The following MRTFA variants were observed in gnomAD, a reference collection of about 807,000 sequenced individuals.
MRTFA encodes the protein myocardin-related transcription factor A.
MRTFA carries 20 observed loss-of-function variants against 83.5 expected under a neutral mutation model. The observed-to-expected ratio is 0.24, with a 90% CI of 0.17 to 0.35. The LOEUF (loss-of-function observed/expected upper bound fraction) is 0.35, where lower values mean the gene tolerates loss of function less well. Ranked by LOEUF, MRTFA falls within the 10% of genes least tolerant of loss-of-function variation. The pLI is 1.00. For missense variants in MRTFA, 1,200 were observed against 1,224.7 expected (o/e 0.98, Z 0.30); for synonymous variants, 659 against 541.2 (o/e 1.22, Z -3.02).
intron 4 of MRTFA, among the ~76,000 whole-genome samples, chr22:40,457,503 A>G (rs868320685): frequency 4.8e-5 from 7 of 147,182 alleles, no homozygotes; most frequent in Non-Finnish European, 7.6e-5. Flanking sequence ...AGAAAGAAAG[A>G]GAAAGAAAGA....
chr22:40,456,471 T>G (rs1014526818), intron 4 of MRTFA, among the ~76,000 whole-genome samples: 1 of 152,136 alleles, frequency 6.6e-6, no homozygotes, highest in African/African-American at 2.4e-5. Flanking sequence ...GCAGATCATT[T>G]TGAGCCCAGA....
At chr22:40,528,161 G>A (rs1368199187) in intron 3 of MRTFA, among the ~76,000 whole-genome samples, 1 of 152,158 alleles carries the variant, frequency 6.6e-6, no homozygotes, top group African/African-American at 2.4e-5. Flanking sequence ...GGAGAATTAT[G>A]AGGCCTGTCG....
At chr22:40,514,897 C>A (rs2054730820) in intron 3 of MRTFA, among the ~76,000 whole-genome samples, 1 of 150,624 alleles carries the variant, frequency 6.6e-6, no homozygotes, top group South Asian at 2.1e-4. Context: ...CTCAATTTCT[C>A]CAATATTTCT....
At chr22:40,490,373 G>A (rs920267639) in intron 3 of MRTFA, among the ~76,000 whole-genome samples, 20 of 152,140 alleles carry the variant, frequency 1.3e-4, no homozygotes, top group African/African-American at 2.7e-4. Context: ...GGCCAAGGCC[G>A]GCGGATCATG....
intron 1 of MRTFA, among the ~76,000 whole-genome samples, chr22:40,627,492 G>A (rs2056595352): frequency 6.6e-6 from 1 of 152,154 alleles, no homozygotes. Context: ...ATGGCAACCA[G>A]ATACATATAA....
At chr22:40,632,851 G>A (rs986260484) in intron 1 of MRTFA, among the ~76,000 whole-genome samples, 14 of 152,148 alleles carry the variant, frequency 9.2e-5, no homozygotes, top group African/African-American at 2.7e-4. Flanking sequence ...ACTAACTTTC[G>A]AGGTAATCTG....
intron 2 of MRTFA, among the ~76,000 whole-genome samples, chr22:40,573,381 A>C (rs1471946191): frequency 6.6e-6 from 1 of 152,082 alleles, no homozygotes; most frequent in Non-Finnish European, 1.5e-5. Flanking sequence ...CAGCCTCCCA[A>C]GTAGCTGGGA....
intron 4 of MRTFA, among the ~76,000 whole-genome samples, chr22:40,448,723 G>C (rs1342398914): frequency 6.6e-6 from 1 of 152,210 alleles, no homozygotes; most frequent in Non-Finnish European, 1.5e-5. Context: ...CAGCAGAAAA[G>C]AGAGTCACTG....
At chr22:40,635,415 G>A (rs2056684818) in intron 1 of MRTFA, among the ~76,000 whole-genome samples, 1 of 152,142 alleles carries the variant, frequency 6.6e-6, no homozygotes, top group Non-Finnish European at 1.5e-5. Context: ...TTGCAACTCG[G>A]GGACATTCCA....
At chr22:40,564,703 A>G (rs2055677214) in intron 2 of MRTFA, among the ~76,000 whole-genome samples, 1 of 152,050 alleles carries the variant, frequency 6.6e-6, no homozygotes, top group Non-Finnish European at 1.5e-5. Context: ...CCCAGGCTGG[A>G]GTGCAGTGGC....
chr22:40,479,018 G>C (rs920271250), intron 3 of MRTFA, among the ~76,000 whole-genome samples: 2 of 152,168 alleles, frequency 1.3e-5, no homozygotes, highest in African/African-American at 4.8e-5. Flanking sequence ...CAGATAGGGA[G>C]GGTATGGAAG....
At position 40,417,367 on chromosome 22, in the gene MRTFA, C is replaced by A. The variant is rs774149984; in HGVS notation, c.2491G>T (p.Ala831Ser). The A allele has an allele frequency of 5.0e-6, 8 of 1,611,632 alleles. No individual in the cohort carries two copies. The South Asian group carries it at 8.8e-5, about 18-fold the overall frequency. Residue 831 changes from alanine (A) to serine (S), a missense_variant, in exon 13 of 15, where the codon GCC becomes TCC. Coordinates refer to ENST00000355630, the MANE Select transcript of MRTFA (RefSeq NM_020831.6). ...TGCTGTTTGGGCTGCTGGCTCATGG[C>A]TTCCTCATAGCCAGGTGGTTCCTTC...
chr22:40,448,585 C>T (rs1460376863), intron 4 of MRTFA, among the ~76,000 whole-genome samples: 1 of 152,196 alleles, frequency 6.6e-6, no homozygotes, highest in Non-Finnish European at 1.5e-5. Flanking sequence ...CCTAGCTATT[C>T]CTTTGGAAAT....
At chr22:40,560,910 A>G (rs1450719404) in intron 2 of MRTFA, among the ~76,000 whole-genome samples, 1 of 152,202 alleles carries the variant, frequency 6.6e-6, no homozygotes, top group African/African-American at 2.4e-5. Context: ...GTAGACAGCT[A>G]CTGACAACTC....
At chr22:40,540,202 A>G (rs2147293671) in intron 3 of MRTFA, among the ~76,000 whole-genome samples, 1 of 152,210 alleles carries the variant, frequency 6.6e-6, no homozygotes, top group South Asian at 2.1e-4. Flanking sequence ...GTAAGCCACC[A>G]CACCCAGCCC....
At chr22:40,462,330 TTGAATGAATGAA>T (rs576201937) in intron 4 of MRTFA, among the ~76,000 whole-genome samples, 3 of 152,202 alleles carry the variant, frequency 2.0e-5, no homozygotes, top group East Asian at 3.9e-4. Flanking sequence ...CTCAAAGATT[TTGAATGAATGAA>T]TGAATGAATG....
At chr22:40,611,597 A>T (rs181111317) in intron 1 of MRTFA, among the ~76,000 whole-genome samples, 6 of 152,312 alleles carry the variant, frequency 3.9e-5, no homozygotes, top group Admixed American at 2.6e-4. Flanking sequence ...TTTAACAATG[A>T]GCAAGGAGTT....
chr22:40,540,800 A>G lies in MRTFA; in HGVS notation c.241+11306T>C, dbSNP rs1328313979. On this transcript the variant is annotated intron_variant, in intron 3 of 14. Transcript: ENST00000355630. The stretch of plus-strand genomic sequence containing the variant: ...TCAAAAAAAAAAAAAAAAAAAACCA[A>G]AAACATACAAACAAAAAATTCCTCT... 2.0e-5 allele frequency among the ~76,000 whole-genome samples: 3 copies of G among 149,964 alleles called. No homozygotes were observed. The Admixed American group carries it at 2.0e-4, about 10-fold the overall frequency.
chr22:40,473,672 G>A (rs542903179), intron 3 of MRTFA, among the ~76,000 whole-genome samples: 36 of 152,294 alleles, frequency 2.4e-4, no homozygotes, highest in African/African-American at 8.4e-4. Flanking sequence ...TTACCAGGAA[G>A]GTCAGAGAAG....
Sources: gnomAD v4.1 joint callset for allele counts (sites outside exome capture counted in the v4.1 genomes callset) on GRCh38, gnomAD v4.1.1 for gene constraint, MANE v1.5 for transcripts, NCBI Gene and HGNC (gene_info 2026-07-23, HGNC 2026-07-21) for gene names.